Variants in SPATA17 observed in about 807,000 individuals in gnomAD.
The protein encoded by SPATA17 is spermatogenesis-associated protein 17.
SPATA17 carries 53 observed loss-of-function variants against 62.2 expected under a neutral mutation model. The observed-to-expected ratio is 0.85, with a 90% CI of 0.68 to 1.07. The LOEUF is 1.07. Ranked by LOEUF, SPATA17 falls within the 50% of genes least tolerant of loss-of-function variation. The probability of loss-of-function intolerance (pLI) is 0.00; values close to 1 mark genes in which losing one functional copy is unlikely to be tolerated. For missense variants in SPATA17, 466 were observed against 425.5 expected (o/e 1.10, Z -0.84); for synonymous variants, 146 against 146.8 (o/e 0.99, Z 0.04).
At chr1:217,714,488 C>CTTTTTTTTTTTT (rs750665329) in intron 5 of SPATA17, among the ~76,000 whole-genome samples, 7,647 of 120,114 alleles carry the variant, frequency 0.064, 953 homozygotes, top group African/African-American at 0.14. Context: ...AAACGTGTTT[C>CTTTTTTTTTTTT]TTTTTTTTTT....
At chr1:217,772,115 A>T (rs1558044138) in intron 6 of SPATA17, among the ~76,000 whole-genome samples, 1 of 150,302 alleles carries the variant, frequency 6.7e-6, no homozygotes, top group Admixed American at 6.6e-5. Context: ...AAAATATAAC[A>T]TTTATTTTTT....
At chr1:217,652,725 A>G (rs1011303773) in intron 3 of SPATA17, among the ~76,000 whole-genome samples, 1 of 152,206 alleles carries the variant, frequency 6.6e-6, no homozygotes, top group Non-Finnish European at 1.5e-5. Context: ...CACTGTGGTA[A>G]GCATTAAATA....
Position 217,871,312 on chromosome 1 carries a change from A to G in SPATA17, c.*4293A>G, listed in dbSNP as rs1676124457. 1.3e-5 allele frequency: 2 copies of G among 151,894 alleles called. No individual in the cohort carries two copies. Among genetic ancestry groups the G allele is most frequent in the Admixed American group, 6.6e-5 (1 of 15,242 alleles). 9.4% of individuals were successfully genotyped at this position (151,894 alleles called of 1,614,324 possible). A position where few individuals can be genotyped will look rare whatever the true frequency, so the allele number is the denominator to read the frequency against. On this transcript the variant is annotated 3_prime_UTR_variant, in exon 11 of 11. Transcript: ENST00000366933. ...TTTTTTGCTCTGTTTTTTCACATTT[A>G]TGGCCTACCTGTTACAGCTGCACGG... is the stretch of plus-strand genomic sequence containing the variant.
At chr1:217,862,905 T>G in intron 10 of SPATA17, 49 bp downstream of exon 10, 2 of 1,240,892 alleles carry the variant, frequency 1.6e-6, no homozygotes, top group Non-Finnish European at 2.3e-6. Flanking sequence ...TAAATAACAC[T>G]TAAAAAATCA....
chr1:217,684,187 GT>G (rs1158052946), intron 5 of SPATA17, among the ~76,000 whole-genome samples: 1 of 152,080 alleles, frequency 6.6e-6, no homozygotes, highest in Non-Finnish European at 1.5e-5. Context: ...TAAAGGCATC[GT>G]AATATTACTC....
chr1:217,685,494 T>A (rs1335517648), intron 5 of SPATA17, among the ~76,000 whole-genome samples: 1 of 152,200 alleles, frequency 6.6e-6, no homozygotes, highest in Non-Finnish European at 1.5e-5. Context: ...AGCCATTCTA[T>A]TATTTCTAGC....
chr1:217,678,548 TC>T (rs1400052835), intron 4 of SPATA17, among the ~76,000 whole-genome samples: 1 of 152,170 alleles, frequency 6.6e-6, no homozygotes, highest in Non-Finnish European at 1.5e-5. Context: ...AGACATTTTT[TC>T]TTTTAGTGGC....
intron 1 of SPATA17, among the ~76,000 whole-genome samples, chr1:217,640,229 C>T (rs1364579227): frequency 6.6e-6 from 1 of 151,884 alleles, no homozygotes; most frequent in Non-Finnish European, 1.5e-5. Flanking sequence ...CCATCCTTTT[C>T]TTACTAGTTT....
intron 4 of SPATA17, among the ~76,000 whole-genome samples, chr1:217,672,866 C>G (rs559059819): frequency 1.4e-4 from 22 of 152,192 alleles, no homozygotes; most frequent in African/African-American, 4.8e-4. Flanking sequence ...TGTCTCCACC[C>G]CACCACCCCC....
intron 1 of SPATA17, among the ~76,000 whole-genome samples, chr1:217,635,905 C>T (rs572326667): frequency 1.5e-4 from 23 of 151,812 alleles, no homozygotes; most frequent in Non-Finnish European, 2.6e-4. Context: ...GAGGCCAAGG[C>T]GAGCAGATCA....
rs148745392 is a variant in SPATA17, at chr1:217,651,273, T to C, written c.240+95T>C. ...TATTTCCATATAGTTTGGAAATTACTGATGATGAGTATTTATGTAAGGACA... is the reference window on the plus strand; with the variant it reads ...TATTTCCATATAGTTTGGAAATTACCGATGATGAGTATTTATGTAAGGACA... On this transcript the variant is annotated intron_variant, in intron 3 of 10. Coordinates refer to ENST00000366933, the MANE Select transcript of SPATA17 (RefSeq NM_138796.4). 7 of 959,434 alleles carry C rather than the reference T, an allele frequency of 7.3e-6. No individual in the cohort carries two copies. The East Asian group carries it at 1.9e-4, about 26-fold the overall frequency. The allele number at this position is 959,434 out of a possible 1,614,324, so 59.4% of individuals were successfully genotyped here.
intron 5 of SPATA17, among the ~76,000 whole-genome samples, chr1:217,728,247 T>C (rs2102939411): frequency 6.6e-6 from 1 of 152,304 alleles, no homozygotes; most frequent in East Asian, 1.9e-4. Context: ...AGAGCTAATG[T>C]CATTCAAACA....
chr1:217,678,178 T>C (rs1194954578), intron 4 of SPATA17, among the ~76,000 whole-genome samples: 4 of 151,632 alleles, frequency 2.6e-5, no homozygotes, highest in Non-Finnish European at 5.9e-5. Context: ...GAATTTGTTT[T>C]CCATGCCTTC....
chr1:217,724,516 C>T (rs913498958), intron 5 of SPATA17, among the ~76,000 whole-genome samples: 1 of 152,004 alleles, frequency 6.6e-6, no homozygotes, highest in African/African-American at 2.4e-5. Context: ...TGAACCCAGG[C>T]AGTGGAGGTT....
chr1:217,798,924 G>A (rs772399166), intron 8 of SPATA17, among the ~76,000 whole-genome samples: 8 of 149,394 alleles, frequency 5.4e-5, no homozygotes, highest in Non-Finnish European at 1.2e-4. Flanking sequence ...CGCCTAGGCT[G>A]GAGAGCAGTG....
At chr1:217,793,914 G>A (rs1181556436) in intron 8 of SPATA17, among the ~76,000 whole-genome samples, 1 of 151,958 alleles carries the variant, frequency 6.6e-6, no homozygotes, top group African/African-American at 2.4e-5. Flanking sequence ...AGGAGATCGA[G>A]ACCATCCTGG....
intron 9 of SPATA17, among the ~76,000 whole-genome samples, chr1:217,839,014 G>A (rs1675328193): frequency 6.6e-6 from 1 of 151,956 alleles, no homozygotes; most frequent in Non-Finnish European, 1.5e-5. Flanking sequence ...TAAATAAATA[G>A]GTGTGACTCT....
intron 6 of SPATA17, among the ~76,000 whole-genome samples, chr1:217,759,919 C>A (rs185276870): frequency 3.9e-5 from 6 of 152,270 alleles, no homozygotes; most frequent in African/African-American, 1.2e-4. Flanking sequence ...AGTTGCTATA[C>A]TGTCCTTATT....
At chr1:217,766,726 T>C (rs1673311304) in intron 6 of SPATA17, among the ~76,000 whole-genome samples, 2 of 151,758 alleles carry the variant, frequency 1.3e-5, no homozygotes, top group African/African-American at 2.4e-5. Flanking sequence ...TTCTCTTTTT[T>C]TTTTTTTTTA....
Sources: allele counts gnomAD v4.1 joint callset (sites outside exome capture counted in the v4.1 genomes callset), GRCh38; gene constraint gnomAD v4.1.1; transcripts MANE v1.5; gene names NCBI Gene and HGNC (gene_info 2026-07-23, HGNC 2026-07-21).